LIN7A: variants seen among roughly 807,000 people sequenced by gnomAD.
LIN7A encodes the protein lin-7 cell polarity scaffold A.
In LIN7A, 25 loss-of-function variants were observed where a neutral mutation model predicts 29.8. That is an observed-to-expected ratio of 0.84 (90% CI 0.61 to 1.17). The LOEUF (loss-of-function observed/expected upper bound fraction) is 1.17, where lower values mean the gene tolerates loss of function less well. Among genes scored for constraint, LIN7A ranks in the 50% most tolerant of loss-of-function variants. The probability of loss-of-function intolerance (pLI) is 0.00; values close to 1 mark genes in which losing one functional copy is unlikely to be tolerated. For synonymous variants in LIN7A, 118 were observed against 107.5 expected, an observed-to-expected ratio of 1.10 and a Z score of -0.60; for missense variants, 239 against 287.0, an observed-to-expected ratio of 0.83 and a Z score of 1.21.
chr12:80,809,492 A>G (rs1871188737), intron 5 of LIN7A, among the ~76,000 whole-genome samples: 1 of 152,262 alleles, frequency 6.6e-6, no homozygotes, highest in Non-Finnish European at 1.5e-5. Flanking sequence ...GATAGCAAGG[A>G]AAATTTATAT....
At chr12:80,818,720 C>T (rs777334001) in intron 4 of LIN7A, among the ~76,000 whole-genome samples, 9 of 152,070 alleles carry the variant, frequency 5.9e-5, no homozygotes, top group East Asian at 1.9e-4. Flanking sequence ...AGCAATATGA[C>T]CTAGGAATAT....
intron 1 of LIN7A, among the ~76,000 whole-genome samples, chr12:80,905,525 G>T (rs1876434102): frequency 6.6e-6 from 1 of 152,082 alleles, no homozygotes; most frequent in African/African-American, 2.4e-5. Flanking sequence ...CTTGTTAAAT[G>T]ATTTAATGAA....
chr12:80,849,043 C>T (rs149722321), intron 2 of LIN7A, among the ~76,000 whole-genome samples: 1 of 152,122 alleles, frequency 6.6e-6, no homozygotes, highest in African/African-American at 2.4e-5. Flanking sequence ...GGTTGAATCT[C>T]CACTAACGCT....
At chr12:80,863,527 C>G (rs1223631869) in intron 2 of LIN7A, among the ~76,000 whole-genome samples, 2 of 152,174 alleles carry the variant, frequency 1.3e-5, no homozygotes, top group Non-Finnish European at 2.9e-5. Context: ...ATTTCCCAGG[C>G]CCTTTGACCT....
intron 2 of LIN7A, among the ~76,000 whole-genome samples, chr12:80,879,054 A>G (rs1315439664): frequency 1.3e-5 from 2 of 152,296 alleles, no homozygotes; most frequent in East Asian, 1.9e-4. Context: ...TTCTTACCCC[A>G]TTCACACAGT....
At position 80,807,077 on chromosome 12, in the gene LIN7A, T is replaced by TCTTTTGTTTGTTTG. The variant is rs1379463735; in HGVS notation, c.*4387_*4388insCAAACAAACAAAAG. 1.7e-5 allele frequency among the ~76,000 whole-genome samples: 2 copies of TCTTTTGTTTGTTTG among 115,538 alleles called. 1 individual carries two copies. The highest frequency in any genetic ancestry group is 3.6e-5 in the Non-Finnish European group (2 of 55,282). The allele number at this position is 115,538 out of a possible 152,430, so 75.8% of individuals were successfully genotyped here. A position where few individuals can be genotyped will look rare whatever the true frequency, so the allele number is the denominator to read the frequency against. ...ATGAAGATGGAGTTTTTTTTTTTTT[T>TCTTTTGTTTGTTTG]TTTTTTTTTTTTTTGACGGAGTCTC... On this transcript the variant is annotated intron_variant, in intron 5 of 5. Transcript: ENST00000552864.
rs1171452198 is a variant in LIN7A, at chr12:80,922,148, T to C, written c.82+15493A>G. Among the ~76,000 whole-genome samples the C allele has an allele frequency of 2.0e-5, 3 of 152,352 alleles. No homozygotes were observed. The East Asian group carries it at 5.8e-4, about 29-fold the overall frequency. The stretch of plus-strand genomic sequence containing the variant: ...GGCCTACAGGAGTAAACATCTGTTA[T>C]CTGTAAGTTTACTTAGGTAGAACAT... On this transcript the variant is annotated intron_variant, in intron 1 of 5. Transcript: ENST00000552864.
intron 4 of LIN7A, among the ~76,000 whole-genome samples, chr12:80,835,441 C>G (rs911497585): frequency 6.6e-6 from 1 of 152,082 alleles, no homozygotes; most frequent in Non-Finnish European, 1.5e-5. Context: ...CCACCAATGA[C>G]AAGGATCCAA....
At chr12:80,879,348 C>T (rs1874897881) in intron 2 of LIN7A, among the ~76,000 whole-genome samples, 1 of 152,064 alleles carries the variant, frequency 6.6e-6, no homozygotes, top group South Asian at 2.1e-4. Flanking sequence ...GAAAAATCCA[C>T]TCATGTGTGT....
intron 4 of LIN7A, among the ~76,000 whole-genome samples, chr12:80,817,996 T>G (rs1592859166): frequency 6.6e-6 from 1 of 152,180 alleles, no homozygotes; most frequent in East Asian, 1.9e-4. Context: ...TGGGGCTACC[T>G]GAAGGACTCA....
chr12:80,807,078 T>TTTTTTTGTTGTTG (rs1555221353), intron 5 of LIN7A, among the ~76,000 whole-genome samples: 2 of 115,112 alleles, frequency 1.7e-5, no homozygotes, highest in African/African-American at 8.1e-5. Context: ...TTTTTTTTTT[T>TTTTTTTGTTGTTG]TTTTTTTTTT....
At chr12:80,869,878 A>G (rs560340085) in intron 2 of LIN7A, among the ~76,000 whole-genome samples, 2 of 152,276 alleles carry the variant, frequency 1.3e-5, no homozygotes, top group African/African-American at 4.8e-5. Flanking sequence ...GTTGCATGGA[A>G]ACCTATCATA....
chr12:80,805,367 A>G (rs972305225), intron 5 of LIN7A, among the ~76,000 whole-genome samples: 1 of 152,114 alleles, frequency 6.6e-6, no homozygotes, highest in African/African-American at 2.4e-5. Flanking sequence ...GAAGGTAGAG[A>G]AGGGTTTTAA....
chr12:80,855,956 G>A (rs1328352356), intron 2 of LIN7A, among the ~76,000 whole-genome samples: 1 of 152,028 alleles, frequency 6.6e-6, no homozygotes, highest in Non-Finnish European at 1.5e-5. Flanking sequence ...TTAAGCTATA[G>A]CTATCCATAT....
At chr12:80,817,145 T>C (rs1871574201) in intron 4 of LIN7A, among the ~76,000 whole-genome samples, 1 of 152,206 alleles carries the variant, frequency 6.6e-6, no homozygotes, top group South Asian at 2.1e-4. Flanking sequence ...GATATTAAAA[T>C]GGCAGCTTAT....
intron 5 of LIN7A, among the ~76,000 whole-genome samples, chr12:80,808,509 T>A (rs1871146554): frequency 8.4e-6 from 1 of 118,422 alleles, no homozygotes; most frequent in Admixed American, 9.4e-5. Flanking sequence ...TCTTTTTTCT[T>A]TTTTTTTTTT....
At chr12:80,919,687 T>C (rs1877202219) in intron 1 of LIN7A, among the ~76,000 whole-genome samples, 1 of 152,112 alleles carries the variant, frequency 6.6e-6, no homozygotes, top group Non-Finnish European at 1.5e-5. Flanking sequence ...TGATAGTATA[T>C]GTATATTGTT....
rs1022147449 is a variant in LIN7A, at chr12:80,852,595, T to TTA, written c.202-4275_202-4274dup. Among the ~76,000 whole-genome samples, 36 of 151,898 alleles carry TTA rather than the reference T, an allele frequency of 2.4e-4. 1 individual carries two copies. The highest frequency in any genetic ancestry group is 1.9e-3 in the South Asian group (9 of 4,822). The stretch of plus-strand genomic sequence containing the variant: ...GCTGCTATTATTTCTATTATTACTA[T>TTA]TATATATATATACACAAGATGCAAT... On this transcript the variant is annotated intron_variant, in intron 2 of 5. Transcript: ENST00000552864.
chr12:80,884,394 C>A (rs1341390916), intron 2 of LIN7A, among the ~76,000 whole-genome samples: 1 of 152,154 alleles, frequency 6.6e-6, no homozygotes, highest in African/African-American at 2.4e-5. Flanking sequence ...CTTGCTCAGA[C>A]TACATGTTCA....
Sources: gnomAD v4.1 joint callset for allele counts (sites outside exome capture counted in the v4.1 genomes callset) on GRCh38, gnomAD v4.1.1 for gene constraint, MANE v1.5 for transcripts, NCBI Gene and HGNC (gene_info 2026-07-23, HGNC 2026-07-21) for gene names.